Variants in COL23A1 observed in about 807,000 individuals in gnomAD.
COL23A1 encodes collagen type XXIII alpha 1 chain.
COL23A1 carries 97 observed loss-of-function variants against 99.3 expected under a neutral mutation model. That is an observed-to-expected ratio of 0.98 (90% CI 0.83 to 1.16). The LOEUF is 1.16. Ranked by LOEUF, COL23A1 falls within the 50% of genes most tolerant of loss-of-function variation. The pLI is 0.00. For missense variants in COL23A1, 762 were observed against 757.4 expected, an observed-to-expected ratio of 1.01 and a Z score of -0.07; for synonymous variants, 320 against 308.2, an observed-to-expected ratio of 1.04 and a Z score of -0.40.
chr5:178,363,979 C>T (rs985888237), intron 2 of COL23A1, among the ~76,000 whole-genome samples: 4 of 152,212 alleles, frequency 2.6e-5, no homozygotes, highest in Admixed American at 6.5e-5. Context: ...ACACACCCTT[C>T]GCTTTGCGGC....
At chr5:178,269,357 A>G (rs1410189843) in intron 6 of COL23A1, among the ~76,000 whole-genome samples, 29 of 35,666 alleles carry the variant, frequency 8.1e-4, no homozygotes. Flanking sequence ...CCACCCACCC[A>G]CCCATCCACC....
chr5:178,347,412 T>C (rs1446815712), intron 2 of COL23A1, among the ~76,000 whole-genome samples: 1 of 136,558 alleles, frequency 7.3e-6, no homozygotes, highest in Non-Finnish European at 1.6e-5. Context: ...TGCCAGAGCC[T>C]GGGGGACGGG....
chr5:178,320,059 C>T (rs944297550), intron 2 of COL23A1, among the ~76,000 whole-genome samples: 1 of 152,234 alleles, frequency 6.6e-6, no homozygotes, highest in Admixed American at 6.5e-5. Flanking sequence ...GGGATGCCTT[C>T]CCTGACCACC....
intron 2 of COL23A1, among the ~76,000 whole-genome samples, chr5:178,332,165 C>T (rs963928288): frequency 3.3e-5 from 5 of 152,242 alleles, no homozygotes; most frequent in African/African-American, 1.2e-4. Context: ...AAAGCTACCT[C>T]CCTTTCCAGA....
At position 178,255,089 on chromosome 5, in the gene COL23A1, C is replaced by T; in HGVS notation, c.883-63G>A. On this transcript the variant is annotated intron_variant, in intron 15 of 28. Coordinates refer to ENST00000390654, the MANE Select transcript of COL23A1 (RefSeq NM_173465.4). This position sits in a 1 kb window ranked among gnomAD's most constrained non-coding sequence, Gnocchi z 4.2. ...CTACACTGAGTTGGAGGTGAAGTGG[C>T]AGCTGTCCCTGCATCACATCCAGAG... 2 of 1,352,320 alleles carry T rather than the reference C, an allele frequency of 1.5e-6. No individual in the cohort carries two copies. Among genetic ancestry groups the T allele is most frequent in the South Asian group, 1.2e-5 (1 of 85,530 alleles). 83.8% of individuals were successfully genotyped at this position (1,352,320 alleles called of 1,614,324 possible).
intron 2 of COL23A1, among the ~76,000 whole-genome samples, chr5:178,493,974 C>T (rs1053297630): frequency 3.3e-5 from 5 of 151,558 alleles, no homozygotes; most frequent in African/African-American, 1.2e-4. Flanking sequence ...GAGCCACTAG[C>T]GTGAATGTAG....
intron 2 of COL23A1, among the ~76,000 whole-genome samples, chr5:178,386,176 C>A (rs1036886565): frequency 7.2e-5 from 11 of 152,190 alleles, no homozygotes; most frequent in Non-Finnish European, 1.3e-4. Context: ...CCGTGGCTCA[C>A]ACCTGTAATC....
At chr5:178,523,559 T>C (rs1760139385) in intron 2 of COL23A1, 1 of 151,598 alleles carries the variant, frequency 6.6e-6, no homozygotes, top group Non-Finnish European at 1.5e-5. Flanking sequence ...CCTCCAAAGC[T>C]CTGCGCCTGT....
intron 2 of COL23A1, among the ~76,000 whole-genome samples, chr5:178,399,354 G>A (rs951314441): frequency 2.6e-5 from 4 of 152,190 alleles, no homozygotes; most frequent in Non-Finnish European, 4.4e-5. Flanking sequence ...AGACAGAGAC[G>A]GAGGATCCTG....
At chr5:178,412,734 A>G (rs1765114325) in intron 2 of COL23A1, among the ~76,000 whole-genome samples, 1 of 152,184 alleles carries the variant, frequency 6.6e-6, no homozygotes, top group Non-Finnish European at 1.5e-5. Flanking sequence ...TTTTGTGACT[A>G]TAATTTTAAA....
intron 3 of COL23A1, among the ~76,000 whole-genome samples, chr5:178,304,508 A>ATC: frequency 7.8e-6 from 1 of 129,032 alleles, no homozygotes; most frequent in African/African-American, 3.3e-5. Flanking sequence ...ACTGTCTCAA[A>ATC]AAAAAAAAAA....
At chr5:178,388,069 G>C (rs1763769527) in intron 2 of COL23A1, among the ~76,000 whole-genome samples, 1 of 152,196 alleles carries the variant, frequency 6.6e-6, no homozygotes, top group African/African-American at 2.4e-5. Flanking sequence ...GATTCTTCCA[G>C]TAGGCTCACC....
chr5:178,408,480 C>T (rs1021626422), intron 2 of COL23A1, among the ~76,000 whole-genome samples: 4 of 151,906 alleles, frequency 2.6e-5, no homozygotes, highest in African/African-American at 7.3e-5. Context: ...ATTAGAACAC[C>T]GTCTAGTGTG....
intron 2 of COL23A1, among the ~76,000 whole-genome samples, chr5:178,464,686 T>C (rs945625497): frequency 4.6e-5 from 7 of 152,242 alleles, no homozygotes; most frequent in African/African-American, 1.7e-4. Flanking sequence ...TAGAAAAAGC[T>C]GGATTTTTAA....
At chr5:178,314,283 G>A (rs542303245) in intron 2 of COL23A1, among the ~76,000 whole-genome samples, 29 of 152,200 alleles carry the variant, frequency 1.9e-4, no homozygotes, top group African/African-American at 5.3e-4. Flanking sequence ...GCCGAACAGC[G>A]CTGGGTCCTG....
At chr5:178,298,837 A>C (rs996223518) in intron 3 of COL23A1, among the ~76,000 whole-genome samples, 8 of 152,222 alleles carry the variant, frequency 5.3e-5, no homozygotes, top group Non-Finnish European at 1.2e-4. Flanking sequence ...CTGGGATTAC[A>C]AAGTGAGCCA....
At chr5:178,578,314 AC>A (rs1763497990) in intron 1 of COL23A1, among the ~76,000 whole-genome samples, 1 of 151,816 alleles carries the variant, frequency 6.6e-6, no homozygotes, top group Admixed American at 6.6e-5. Flanking sequence ...ACACACTTCC[AC>A]CCTCACACTA....
chr5:178,451,626 G>A (rs1426872020), intron 2 of COL23A1, among the ~76,000 whole-genome samples: 1 of 136,110 alleles, frequency 7.3e-6, no homozygotes, highest in African/African-American at 2.8e-5. Context: ...CACTGCACTA[G>A]AGCCTGGGCG....
chr5:178,581,522 T>C (rs368711291), intron 1 of COL23A1, among the ~76,000 whole-genome samples: 11 of 148,388 alleles, frequency 7.4e-5, no homozygotes, highest in African/African-American at 2.7e-4. Flanking sequence ...GCCAAGATCA[T>C]GCCACTGCAC....
Sources: gnomAD v4.1 joint callset for allele counts (sites outside exome capture counted in the v4.1 genomes callset) on GRCh38, gnomAD v4.1.1 for gene constraint, Gnocchi (gnomAD v3.1) non-coding constraint, MANE v1.5 for transcripts, NCBI Gene and HGNC (gene_info 2026-07-23, HGNC 2026-07-21) for gene names.